SPATA17: variants seen among roughly 807,000 people sequenced by gnomAD.
SPATA17 encodes spermatogenesis associated 17, also known as spermatogenesis-associated protein 17.
In SPATA17, 53 loss-of-function variants were observed where a neutral mutation model predicts 62.2. The observed-to-expected ratio is 0.85, with a 90% CI of 0.68 to 1.07. The LOEUF (loss-of-function observed/expected upper bound fraction) is 1.07. SPATA17 is among the 50% of genes least tolerant of loss of function. The pLI is 0.00. For synonymous variants in SPATA17, 146 were observed against 146.8 expected (o/e 0.99, Z 0.04); for missense variants, 466 against 425.5 (o/e 1.10, Z -0.84).
In SPATA17 at chr1:217,774,401, C is replaced by T. The variant is rs1016360581; in HGVS notation, c.587C>T (p.Ala196Val). ...PDPWELQLQK[A>V]KPLTHRRPKV... The stretch of plus-strand genomic sequence containing the variant: ...CCATGGGAGCTGCAATTACAGAAGG[C>T]AAAGCCTTTAACACACCGAAGACCT... Residue 196 changes from alanine (A) to valine (V), a missense_variant, in exon 7 of 11, where the codon GCA becomes GTA. Transcript: ENST00000366933. 3.7e-6 allele frequency: 6 copies of T among 1,613,878 alleles called. No homozygotes were observed. The highest frequency in any genetic ancestry group is 4.2e-6 in the Non-Finnish European group (5 of 1,179,968).
intron 6 of SPATA17, among the ~76,000 whole-genome samples, chr1:217,752,695 A>G (rs1453799554): frequency 1.3e-5 from 2 of 152,122 alleles, no homozygotes; most frequent in African/African-American, 4.8e-5. Context: ...CCCATTTATG[A>G]TTTACACATC....
At chr1:217,847,914 C>A (rs78228039) in intron 9 of SPATA17, among the ~76,000 whole-genome samples, 4,462 of 152,032 alleles carry the variant, frequency 0.029, 142 homozygotes, top group African/African-American at 0.074. Flanking sequence ...CACCTATAGT[C>A]CTAGCTATGT....
intron 1 of SPATA17, among the ~76,000 whole-genome samples, chr1:217,632,639 C>T (rs992018812): frequency 6.6e-6 from 1 of 152,118 alleles, no homozygotes; most frequent in Non-Finnish European, 1.5e-5. Context: ...TCTTATTTTG[C>T]TCACCATTAT....
intron 5 of SPATA17, among the ~76,000 whole-genome samples, chr1:217,701,166 G>T (rs61827799): frequency 6.6e-6 from 1 of 150,804 alleles, no homozygotes. Context: ...GTGGAGATGG[G>T]GTTTCACCAT....
At chr1:217,786,633 G>T (rs889741135) in intron 8 of SPATA17, among the ~76,000 whole-genome samples, 5 of 152,076 alleles carry the variant, frequency 3.3e-5, no homozygotes, top group Non-Finnish European at 5.9e-5. Flanking sequence ...AAATTTGATT[G>T]TGAGACAAAT....
intron 1 of SPATA17, among the ~76,000 whole-genome samples, chr1:217,643,639 C>T (rs866854897): frequency 6.6e-6 from 1 of 151,776 alleles, no homozygotes; most frequent in Non-Finnish European, 1.5e-5. Flanking sequence ...TTCCAAGGCC[C>T]TTGAGACTTA....
chr1:217,657,059 A>G (rs1160767849), intron 3 of SPATA17, among the ~76,000 whole-genome samples: 1 of 152,062 alleles, frequency 6.6e-6, no homozygotes, highest in Non-Finnish European at 1.5e-5. Flanking sequence ...AAAGATGTCC[A>G]TTGTCTAAGA....
intron 6 of SPATA17, among the ~76,000 whole-genome samples, chr1:217,757,168 A>T (rs543697807): frequency 5.3e-5 from 8 of 152,370 alleles, no homozygotes; most frequent in African/African-American, 1.7e-4. Context: ...CTTGGCTAAG[A>T]TGGGAAAGAC....
chr1:217,689,952 G>A (rs905026553), intron 5 of SPATA17, among the ~76,000 whole-genome samples: 3 of 149,424 alleles, frequency 2.0e-5, no homozygotes, highest in Admixed American at 1.3e-4. Context: ...CGCCCAGGCT[G>A]CAGTGCAATG....
At chr1:217,829,357 G>A (rs1047865809) in intron 9 of SPATA17, among the ~76,000 whole-genome samples, 3 of 152,022 alleles carry the variant, frequency 2.0e-5, no homozygotes, top group African/African-American at 4.8e-5. Flanking sequence ...GTCGGGCATG[G>A]TGGTTCACGC....
intron 9 of SPATA17, chr1:217,850,485 A>G: frequency 6.7e-7 from 1 of 1,488,476 alleles, no homozygotes; most frequent in Non-Finnish European, 9.3e-7. Flanking sequence ...AGCCTCTTCT[A>G]GCTGCATGCC....
At chr1:217,749,818 G>A (rs1005626080) in intron 6 of SPATA17, among the ~76,000 whole-genome samples, 8 of 150,950 alleles carry the variant, frequency 5.3e-5, no homozygotes, top group East Asian at 1.9e-4. Flanking sequence ...ATTTTTCAGC[G>A]TAAGCATTCA....
chr1:217,707,328 G>A lies in SPATA17; in HGVS notation c.395+23967G>A, dbSNP rs186395365. On this transcript the variant is annotated intron_variant, in intron 5 of 10. Coordinates refer to ENST00000366933, the MANE Select transcript of SPATA17 (RefSeq NM_138796.4). ...TATCAGGTCAAAGAGCTTTTAGATA[G>A]AGACTGTGGGATTTTCTTGGTGTAG... is the stretch of plus-strand genomic sequence containing the variant. 1.9e-3 allele frequency among the ~76,000 whole-genome samples: 289 copies of A among 152,282 alleles called. 2 individuals are homozygous for A. The highest frequency in any genetic ancestry group is 0.017 in the Middle Eastern group (5 of 294).
rs1676129015 is a variant in SPATA17, at chr1:217,871,545, A to G, written c.*4526A>G. On this transcript the variant is annotated 3_prime_UTR_variant, in exon 11 of 11. Transcript: ENST00000366933. ...GAAGGAGCAGTATTGCTGGATCAGA[A>G]TTCACTTTTTCCAAGTTACAGATTT... 1 of 152,180 alleles carries G rather than the reference A, an allele frequency of 6.6e-6. No homozygotes were observed. Among genetic ancestry groups the G allele is most frequent in the African/African-American group, 2.4e-5 (1 of 41,456 alleles). 9.4% of individuals were successfully genotyped at this position (152,180 alleles called of 1,614,324 possible). A position where few individuals can be genotyped will look rare whatever the true frequency, so the allele number is the denominator to read the frequency against.
At chr1:217,776,538 G>C (rs930316979) in intron 7 of SPATA17, among the ~76,000 whole-genome samples, 2 of 151,998 alleles carry the variant, frequency 1.3e-5, no homozygotes, top group African/African-American at 2.4e-5. Flanking sequence ...TCATGATGTT[G>C]TAGTCCAGAT....
intron 8 of SPATA17, among the ~76,000 whole-genome samples, chr1:217,793,650 G>C (rs1386979252): frequency 6.6e-6 from 1 of 152,132 alleles, no homozygotes; most frequent in Non-Finnish European, 1.5e-5. Context: ...ATGCCCAGGT[G>C]ATTCAAATGC....
chr1:217,725,283 C>A (rs936859258), intron 5 of SPATA17, among the ~76,000 whole-genome samples: 1 of 152,150 alleles, frequency 6.6e-6, no homozygotes, highest in Non-Finnish European at 1.5e-5. Flanking sequence ...TTCTTGTCAA[C>A]CTGTGCTGTC....
intron 1 of SPATA17, among the ~76,000 whole-genome samples, chr1:217,639,223 T>C (rs1439099725): frequency 6.6e-6 from 1 of 152,060 alleles, no homozygotes; most frequent in African/African-American, 2.4e-5. Flanking sequence ...AAAATAAAAA[T>C]AGTTATTTGC....
chr1:217,664,083 G>A (rs10495066), intron 3 of SPATA17, among the ~76,000 whole-genome samples: 38,843 of 151,704 alleles, frequency 0.26, 5,422 homozygotes, highest in African/African-American at 0.36. Flanking sequence ...GCTTAAAACA[G>A]TAGGTGGAAC....
Sources: gnomAD v4.1 joint callset for allele counts (sites outside exome capture counted in the v4.1 genomes callset) on GRCh38, gnomAD v4.1.1 for gene constraint, MANE v1.5 for transcripts, NCBI Gene and HGNC (gene_info 2026-07-23, HGNC 2026-07-21) for gene names.